EHBP1: variants seen among roughly 807,000 people sequenced by gnomAD.
EHBP1 encodes the protein EH domain-binding protein 1.
A neutral mutation model predicts 144.0 loss-of-function variants in EHBP1; 55 were observed. The observed-to-expected ratio is 0.38, with a 90% confidence interval of 0.31 to 0.48. EHBP1 has a LOEUF of 0.48. Among genes scored for constraint, EHBP1 ranks in the 20% least tolerant of loss-of-function variants. The probability of loss-of-function intolerance (pLI) is 0.98; values close to 1 mark genes in which losing one functional copy is unlikely to be tolerated. For missense variants in EHBP1, 1,200 were observed against 1,364.2 expected (o/e 0.88, Z 1.90); for synonymous variants, 469 against 472.7 (o/e 0.99, Z 0.10).
chr2:62,917,711 A>G (rs2054748324), intron 10 of EHBP1, among the ~76,000 whole-genome samples: 1 of 152,208 alleles, frequency 6.6e-6, no homozygotes, highest in Non-Finnish European at 1.5e-5. Flanking sequence ...ATAGGAAGAA[A>G]TTGCATGGCT....
At chr2:62,963,657 G>C (rs565192753) in intron 14 of EHBP1, among the ~76,000 whole-genome samples, 198 of 152,212 alleles carry the variant, frequency 1.3e-3, no homozygotes, top group South Asian at 7.3e-3. Flanking sequence ...GAAGAAGTAC[G>C]TTAACTTTAC....
chr2:62,927,043 A>G (rs1275568903), intron 10 of EHBP1, among the ~76,000 whole-genome samples: 1 of 152,240 alleles, frequency 6.6e-6, no homozygotes, highest in Non-Finnish European at 1.5e-5. Flanking sequence ...ATTCATGGCA[A>G]TACAGATGGA....
At position 62,872,717 on chromosome 2, in the gene EHBP1, A is replaced by G. The variant is rs530428020; in HGVS notation, c.999-1629A>G. On this transcript the variant is annotated intron_variant, in intron 9 of 22. Coordinates refer to ENST00000431489, the MANE Select transcript of EHBP1 (RefSeq NM_001142616.3). ...ATACCAGGATGTTTTCATTACCACA[A>G]AAAGAAACCTCATACCTATTAACAT... 7.2e-5 allele frequency among the ~76,000 whole-genome samples: 11 copies of G among 152,258 alleles called. No homozygotes were observed. In the South Asian group the frequency reaches 2.3e-3, roughly 32 times the overall value.
chr2:62,887,573 CAAAAAAA>C (rs1374767886), intron 10 of EHBP1, among the ~76,000 whole-genome samples: 2 of 53,120 alleles, frequency 3.8e-5, no homozygotes, highest in African/African-American at 1.5e-4. Flanking sequence ...TAGGTCTCCA[CAAAAAAA>C]AAAAAAAAAA....
chr2:62,807,697 T>A (rs367757188), intron 5 of EHBP1, among the ~76,000 whole-genome samples: 9 of 152,360 alleles, frequency 5.9e-5, no homozygotes, highest in African/African-American at 2.2e-4. Flanking sequence ...GCAAAGCAGA[T>A]CTACTGGCAA....
At chr2:62,685,233 T>C (rs1572862418) in intron 1 of EHBP1, among the ~76,000 whole-genome samples, 1 of 152,352 alleles carries the variant, frequency 6.6e-6, no homozygotes, top group Non-Finnish European at 1.5e-5. Context: ...AGTAGCTTGA[T>C]TTAATCATTC....
intron 5 of EHBP1, among the ~76,000 whole-genome samples, chr2:62,805,211 C>G (rs1008961680): frequency 1.3e-5 from 2 of 151,712 alleles, no homozygotes; most frequent in African/African-American, 4.8e-5. Context: ...CCCAAATGTC[C>G]AAAAATATGG....
intron 19 of EHBP1, among the ~76,000 whole-genome samples, chr2:63,015,029 T>C (rs1262571101): frequency 6.6e-6 from 1 of 152,092 alleles, no homozygotes; most frequent in African/African-American, 2.4e-5. Flanking sequence ...GTACAACTAA[T>C]AAATAACCAG....
chr2:62,985,284 T>C (rs373013976), intron 15 of EHBP1, among the ~76,000 whole-genome samples: 32 of 152,254 alleles, frequency 2.1e-4, no homozygotes, highest in African/African-American at 7.7e-4. Context: ...TAGACCACTT[T>C]TGCTTTCACA....
chr2:62,965,131 A>C (rs1254481378), intron 14 of EHBP1: 1 of 152,518 alleles, frequency 6.6e-6, no homozygotes, highest in Non-Finnish European at 1.5e-5. Context: ...ACAGTAGTGC[A>C]GTGACTTTAT....
At chr2:62,946,957 G>A (rs2153086236) in intron 12 of EHBP1, among the ~76,000 whole-genome samples, 1 of 152,294 alleles carries the variant, frequency 6.6e-6, no homozygotes, top group African/African-American at 2.4e-5. Flanking sequence ...TGTGACATCT[G>A]ATCTTAACCA....
At chr2:62,972,797 A>G (rs1166538624) in intron 14 of EHBP1, among the ~76,000 whole-genome samples, 1 of 152,202 alleles carries the variant, frequency 6.6e-6, no homozygotes, top group African/African-American at 2.4e-5. Context: ...TGCTGTGTCC[A>G]TAAACTTTGT....
chr2:62,861,721 G>A (rs112626068), intron 8 of EHBP1, among the ~76,000 whole-genome samples: 3 of 150,660 alleles, frequency 2.0e-5, no homozygotes, highest in Non-Finnish European at 4.4e-5. Flanking sequence ...CAGCCTGGGC[G>A]ACAGAGTGAG....
intron 9 of EHBP1, among the ~76,000 whole-genome samples, chr2:62,870,893 T>G (rs1252322893): frequency 1.3e-5 from 2 of 151,942 alleles, no homozygotes. Flanking sequence ...TGGGTATGGC[T>G]AGGTTTTGAT....
intron 10 of EHBP1, among the ~76,000 whole-genome samples, chr2:62,879,703 C>A (rs2152865938): frequency 6.6e-6 from 1 of 151,758 alleles, no homozygotes; most frequent in South Asian, 2.1e-4. Flanking sequence ...TGAAAGAAAT[C>A]AGAGATGACA....
At chr2:62,843,909 T>G (rs2048106886) in intron 7 of EHBP1, among the ~76,000 whole-genome samples, 1 of 152,226 alleles carries the variant, frequency 6.6e-6, no homozygotes, top group Non-Finnish European at 1.5e-5. Context: ...GTATTAACTC[T>G]TCCTTCCAAG....
intron 3 of EHBP1, among the ~76,000 whole-genome samples, chr2:62,757,976 C>A (rs550392195): frequency 6.7e-6 from 1 of 149,924 alleles, no homozygotes; most frequent in African/African-American, 2.5e-5. Flanking sequence ...AGCGCCACTG[C>A]GCTCTGGCCT....
intron 14 of EHBP1, among the ~76,000 whole-genome samples, chr2:62,974,938 T>C (rs758710803): frequency 6.6e-6 from 1 of 152,160 alleles, no homozygotes; most frequent in Non-Finnish European, 1.5e-5. Flanking sequence ...AAAAATGTCT[T>C]GCTATTATGC....
intron 7 of EHBP1, among the ~76,000 whole-genome samples, chr2:62,848,965 AAATG>A (rs1254456595): frequency 6.6e-6 from 1 of 152,218 alleles, no homozygotes; most frequent in African/African-American, 2.4e-5. Flanking sequence ...GTTTGTAAGA[AAATG>A]AATGATTTCT....
Sources: gnomAD v4.1 joint callset for allele counts (sites outside exome capture counted in the v4.1 genomes callset) on GRCh38, gnomAD v4.1.1 for gene constraint, MANE v1.5 for transcripts, NCBI Gene and HGNC (gene_info 2026-07-23, HGNC 2026-07-21) for gene names.